The following PLXNA2 variants were observed in gnomAD, a reference collection of about 807,000 sequenced individuals.
PLXNA2 encodes plexin A2.
In PLXNA2, 91 loss-of-function variants were observed where a neutral mutation model predicts 193.5. That is an observed-to-expected ratio of 0.47 (90% CI 0.40 to 0.56). The LOEUF (loss-of-function observed/expected upper bound fraction) is 0.56. Ranked by LOEUF, PLXNA2 falls within the 20% of genes least tolerant of loss-of-function variation. The probability of loss-of-function intolerance (pLI) is 0.00; values close to 1 mark genes in which losing one functional copy is unlikely to be tolerated. For synonymous variants in PLXNA2, 997 were observed against 1,027.3 expected (o/e 0.97, Z 0.56); for missense variants, 1,995 against 2,503.2 (o/e 0.80, Z 4.33).
chr1:208,023,694 G>A lies in PLXNA2; in HGVS notation c.*3549C>T, dbSNP rs1299097928. On this transcript the variant is annotated 3_prime_UTR_variant, in exon 32 of 32. Transcript: ENST00000367033. ...AAACTGGTACCCTGTGCCACTAGGGGAGGAGAACTGTTGCCTGCTAAGTTG... is the reference window on the plus strand; with the variant it reads ...AAACTGGTACCCTGTGCCACTAGGGAAGGAGAACTGTTGCCTGCTAAGTTG... 1 of 152,328 alleles carries A rather than the reference G, an allele frequency of 6.6e-6. No individual in the cohort carries two copies. Among genetic ancestry groups the A allele is most frequent in the Non-Finnish European group, 1.5e-5 (1 of 68,062 alleles). The allele number at this position is 152,328 out of a possible 1,614,324, so 9.4% of individuals were successfully genotyped here.
intron 13 of PLXNA2, among the ~76,000 whole-genome samples, chr1:208,055,263 G>A (rs1265670021): frequency 6.6e-6 from 1 of 152,200 alleles, no homozygotes; most frequent in Non-Finnish European, 1.5e-5. Context: ...GAGCTGGAGG[G>A]AAGAAGTGTG....
At chr1:208,185,696 C>CAAAAAAAAAA (rs56384277) in intron 3 of PLXNA2, among the ~76,000 whole-genome samples, 44 of 57,210 alleles carry the variant, frequency 7.7e-4, no homozygotes, top group East Asian at 1.2e-3. Flanking sequence ...TCTCTGAAAG[C>CAAAAAAAAAA]AAAAAAAAAA....
At chr1:208,208,528 C>T (rs1010335950) in intron 3 of PLXNA2, among the ~76,000 whole-genome samples, 3 of 152,186 alleles carry the variant, frequency 2.0e-5, no homozygotes, top group Non-Finnish European at 2.9e-5. Flanking sequence ...AGTGAACACT[C>T]GGTGACAGGA....
At chr1:208,152,236 A>C (rs905435608) in intron 3 of PLXNA2, among the ~76,000 whole-genome samples, 5 of 152,232 alleles carry the variant, frequency 3.3e-5, no homozygotes, top group Admixed American at 6.5e-5. Flanking sequence ...TAAATGCAGG[A>C]GACTCCCAGA....
intron 3 of PLXNA2, among the ~76,000 whole-genome samples, chr1:208,179,049 C>T (rs192801265): frequency 5.3e-5 from 8 of 152,324 alleles, no homozygotes; most frequent in African/African-American, 1.9e-4. Context: ...ACAGCATCCC[C>T]ACAAGCATGA....
At chr1:208,216,620 C>T in intron 2 of PLXNA2, 115 bp downstream of exon 2, 1 of 1,256,666 alleles carries the variant, frequency 8.0e-7, no homozygotes, top group Non-Finnish European at 1.1e-6. Flanking sequence ...AGTCTGAAAA[C>T]CTCTTTCATT....
chr1:208,056,417 A>G (rs1018750875), intron 13 of PLXNA2, among the ~76,000 whole-genome samples: 1 of 152,216 alleles, frequency 6.6e-6, no homozygotes, highest in Admixed American at 6.5e-5. Flanking sequence ...GAAGTTAAGG[A>G]AAAAAGAAAA....
chr1:208,128,695 C>CTTTT (rs34853346), intron 4 of PLXNA2, among the ~76,000 whole-genome samples: 65 of 81,646 alleles, frequency 8.0e-4, no homozygotes, highest in East Asian at 2.1e-3. Flanking sequence ...CTGTTTCTTT[C>CTTTT]TTTTTTTTTT....
intron 3 of PLXNA2, among the ~76,000 whole-genome samples, chr1:208,180,367 C>T (rs956083004): frequency 2.0e-5 from 3 of 151,992 alleles, no homozygotes; most frequent in Admixed American, 6.5e-5. Context: ...GCACCTCTGC[C>T]GGGATGGCTG....
chr1:208,081,857 C>T (rs764635781), intron 11 of PLXNA2, among the ~76,000 whole-genome samples: 13 of 152,064 alleles, frequency 8.5e-5, no homozygotes, highest in Admixed American at 3.3e-4. Context: ...GGGAGGAGCT[C>T]GACATGAGTT....
At chr1:208,161,163 T>G (rs1161236703) in intron 3 of PLXNA2, among the ~76,000 whole-genome samples, 1 of 152,212 alleles carries the variant, frequency 6.6e-6, no homozygotes. Context: ...ATTTACATTT[T>G]GCTTCAGAAA....
chr1:208,129,337 G>A (rs1014671374), intron 4 of PLXNA2, among the ~76,000 whole-genome samples: 5 of 152,180 alleles, frequency 3.3e-5, no homozygotes, highest in African/African-American at 1.2e-4. Context: ...CTGCTGGTGA[G>A]CTTGCCACAG....
chr1:208,233,666 G>C (rs1671761573), intron 1 of PLXNA2, among the ~76,000 whole-genome samples: 1 of 152,256 alleles, frequency 6.6e-6, no homozygotes, highest in Admixed American at 6.5e-5. Flanking sequence ...AGCCTTGTGA[G>C]ACTGGAGCTC....
chr1:208,182,278 C>A (rs1429532481), intron 3 of PLXNA2, among the ~76,000 whole-genome samples: 1 of 152,030 alleles, frequency 6.6e-6, no homozygotes, highest in Non-Finnish European at 1.5e-5. Context: ...ACTAAACATA[C>A]AAAAATTAGC....
intron 4 of PLXNA2, among the ~76,000 whole-genome samples, chr1:208,133,446 A>G (rs1030280608): frequency 1.3e-5 from 2 of 152,254 alleles, no homozygotes; most frequent in African/African-American, 4.8e-5. Context: ...GAAGGTACTT[A>G]TCTTCCTGGC....
Position 208,044,814 on chromosome 1 carries a change from T to TCCTCGC in PLXNA2, c.3640-73_3640-72insGCGAGG. On this transcript the variant is annotated intron_variant, in intron 19 of 31. Coordinates refer to ENST00000367033, the MANE Select transcript of PLXNA2 (RefSeq NM_025179.4). This position sits in a 1 kb window ranked among gnomAD's most constrained non-coding sequence, Gnocchi z 4.9. ...GAGCCCGGGCATGCCAGCAGATCCT[T>TCCTCGC]ACAGTGCGAGGAAGGACATGACAGA... The TCCTCGC allele has an allele frequency of 8.0e-7, 1 of 1,253,978 alleles. No individual in the cohort carries two copies. The highest frequency in any genetic ancestry group is 1.1e-6 in the Non-Finnish European group (1 of 878,136). 77.7% of individuals were successfully genotyped at this position (1,253,978 alleles called of 1,614,324 possible).
At chr1:208,241,236 A>C (rs1672039687) in intron 1 of PLXNA2, among the ~76,000 whole-genome samples, 1 of 152,214 alleles carries the variant, frequency 6.6e-6, no homozygotes, top group African/African-American at 2.4e-5. Flanking sequence ...TTTTAACCTC[A>C]TTTTAAGTGC....
At chr1:208,193,249 G>A (rs1345223047) in intron 3 of PLXNA2, among the ~76,000 whole-genome samples, 1 of 152,180 alleles carries the variant, frequency 6.6e-6, no homozygotes, top group Admixed American at 6.5e-5. Flanking sequence ...CCCTTTTTGG[G>A]CTCACATTTC....
rs12240051 is a variant in PLXNA2 at position 208,040,018 on chromosome 1, C to T, written c.4327G>A (p.Ala1443Thr). The T allele has an allele frequency of 1.1e-4, 182 of 1,614,088 alleles. 1 individual carries two copies. The African/African-American group carries it at 1.4e-3, about 12-fold the overall frequency. The change falls in exon 23 of 32, where the codon GCC becomes ACC. Residue 1443 changes from alanine to threonine, a missense_variant. Around this residue, in one of 3 missense-constraint regions of PLXNA2, gnomAD observed 1,291 missense variants for 1,673.6 expected, o/e 0.77. Coordinates refer to ENST00000367033, the MANE Select transcript of PLXNA2 (RefSeq NM_025179.4). ...VAEKMLTNWF[A>T]FLLHKFLKEC... is the part of the protein sequence containing the mutation. ...TTTAGGAACTTGTGCAGGAGGAAGG[C>T]GAACCAATTGGTCAGCATCTTTTCA...
Sources: gnomAD v4.1 joint callset for allele counts (sites outside exome capture counted in the v4.1 genomes callset) on GRCh38, gnomAD v4.1.1 for gene constraint, gnomAD v4.1.1 regional missense constraint, Gnocchi (gnomAD v3.1) non-coding constraint, MANE v1.5 for transcripts, NCBI Gene and HGNC (gene_info 2026-07-23, HGNC 2026-07-21) for gene names.